The following SELENOF variants were observed in gnomAD, a reference collection of about 807,000 sequenced individuals.
SELENOF encodes the protein selenoprotein F, also known as 15 kDa selenoprotein.
A neutral mutation model predicts 20.5 loss-of-function variants in SELENOF; 16 were observed. That is an observed-to-expected ratio of 0.78 (90% CI 0.53 to 1.19). The LOEUF is 1.19. Ranked by LOEUF, SELENOF falls within the 50% of genes most tolerant of loss-of-function variation. The pLI, the probability that SELENOF is intolerant of heterozygous loss-of-function variation, is 0.00. For synonymous variants in SELENOF, 78 were observed against 74.5 expected (o/e 1.05, Z -0.24); for missense variants, 215 against 194.2 (o/e 1.11, Z -0.64).
chr1:86,878,204 A>G (rs502404), intron 3 of SELENOF, among the ~76,000 whole-genome samples: 46,529 of 152,172 alleles, frequency 0.31, 9,396 homozygotes, highest in African/African-American at 0.58. Flanking sequence ...GTGGTTTAAT[A>G]TAGGTAAAAC....
intron 3 of SELENOF, among the ~76,000 whole-genome samples, chr1:86,876,173 T>C (rs560477319): frequency 4.6e-5 from 7 of 151,228 alleles, no homozygotes; most frequent in African/African-American, 1.7e-4. Context: ...TGATTGAAAA[T>C]ACAGAAAAGA....
intron 2 of SELENOF, among the ~76,000 whole-genome samples, chr1:86,891,058 T>C (rs1322710381): frequency 6.6e-6 from 1 of 151,150 alleles, no homozygotes; most frequent in Non-Finnish European, 1.5e-5. Flanking sequence ...TTTTTCTTTT[T>C]TTTTTTTTTA....
chr1:86,878,613 C>T (rs926322222), intron 3 of SELENOF, among the ~76,000 whole-genome samples: 1 of 152,092 alleles, frequency 6.6e-6, no homozygotes, highest in African/African-American at 2.4e-5. Context: ...ACCTGGGAGG[C>T]AGAGGTTGCG....
At chr1:86,879,527 T>A (rs1189736573) in intron 3 of SELENOF, among the ~76,000 whole-genome samples, 1 of 152,190 alleles carries the variant, frequency 6.6e-6, no homozygotes, top group Non-Finnish European at 1.5e-5. Flanking sequence ...ATAAAAAGCA[T>A]GTGCTAATAC....
intron 2 of SELENOF, among the ~76,000 whole-genome samples, chr1:86,898,133 C>T (rs1166325932): frequency 1.3e-5 from 2 of 152,158 alleles, no homozygotes; most frequent in African/African-American, 2.4e-5. Flanking sequence ...ATGATTTTTA[C>T]AATAAGTCAA....
At chr1:86,873,666 C>T (rs1027000731) in intron 3 of SELENOF, among the ~76,000 whole-genome samples, 1 of 151,876 alleles carries the variant, frequency 6.6e-6, no homozygotes, top group African/African-American at 2.4e-5. Flanking sequence ...GCCTGACCAC[C>T]ATGGAGAAAC....
At chr1:86,904,615 T>C (rs1239236405) in intron 1 of SELENOF, among the ~76,000 whole-genome samples, 1 of 152,248 alleles carries the variant, frequency 6.6e-6, no homozygotes, top group Non-Finnish European at 1.5e-5. Flanking sequence ...CTAACTGCTC[T>C]TCCCACGTTC....
chr1:86,870,279 C>A (rs1045102441), intron 3 of SELENOF, among the ~76,000 whole-genome samples: 2 of 152,192 alleles, frequency 1.3e-5, no homozygotes, highest in Non-Finnish European at 2.9e-5. Context: ...CTCACCTAAT[C>A]CTCCCCTACA....
At chr1:86,899,645 C>A (rs568660522) in intron 2 of SELENOF, among the ~76,000 whole-genome samples, 6 of 151,052 alleles carry the variant, frequency 4.0e-5, no homozygotes, top group Non-Finnish European at 8.9e-5. Flanking sequence ...GGGGGCTGAC[C>A]CCCCCATCTC....
At chr1:86,865,237 CAAAA>C (rs869098042) in intron 4 of SELENOF, among the ~76,000 whole-genome samples, 23 of 147,644 alleles carry the variant, frequency 1.6e-4, no homozygotes, top group Admixed American at 1.3e-3. Context: ...AACAAACAAA[CAAAA>C]AACCTCAATT....
intron 4 of SELENOF, among the ~76,000 whole-genome samples, chr1:86,865,604 C>CA (rs891556904): frequency 6.6e-6 from 1 of 152,046 alleles, no homozygotes; most frequent in African/African-American, 2.4e-5. Flanking sequence ...TGGCTACTAC[C>CA]AAAAAACAGA....
chr1:86,905,896 A>G (rs756713909), intron 1 of SELENOF, among the ~76,000 whole-genome samples: 5 of 152,130 alleles, frequency 3.3e-5, no homozygotes, highest in South Asian at 2.1e-4. Context: ...CTGTGTTCCA[A>G]TGAAACTTTG....
intron 2 of SELENOF, 144 bp downstream of exon 2, chr1:86,903,137 A>G: frequency 1.5e-6 from 1 of 651,366 alleles, no homozygotes; most frequent in African/African-American, 1.9e-5. Context: ...TTGAACTAAT[A>G]GGCCAGACAA....
At chr1:86,911,432 A>G (rs903825589) in intron 1 of SELENOF, among the ~76,000 whole-genome samples, 3 of 152,222 alleles carry the variant, frequency 2.0e-5, no homozygotes, top group African/African-American at 7.2e-5. Context: ...CTGCTCTCCT[A>G]ATAGAAGTAA....
chr1:86,905,306 A>G (rs1659800882), intron 1 of SELENOF, among the ~76,000 whole-genome samples: 1 of 152,138 alleles, frequency 6.6e-6, no homozygotes, highest in Non-Finnish European at 1.5e-5. Context: ...CTCCTGCTAT[A>G]AGGAATTCCT....
At chr1:86,900,947 C>T (rs778637009) in intron 2 of SELENOF, among the ~76,000 whole-genome samples, 7 of 152,124 alleles carry the variant, frequency 4.6e-5, no homozygotes, top group Non-Finnish European at 1.0e-4. Context: ...GGCTGGAGTG[C>T]AGTGGCATGA....
At chr1:86,865,598 T>A (rs909948569) in intron 4 of SELENOF, among the ~76,000 whole-genome samples, 1 of 152,194 alleles carries the variant, frequency 6.6e-6, no homozygotes. Context: ...TTAGGATGGC[T>A]ACTACCAAAA....
At position 86,899,503 on chromosome 1, in the gene SELENOF, T is replaced by C. The variant is rs1422914360; in HGVS notation, c.252+3778A>G. ...CAGTAGGGGCGGCCGGGCAGAGGCG[T>C]CCCTCACCTCCCGGACGGGGCGGCT... On this transcript the variant is annotated intron_variant, in intron 2 of 4. Coordinates refer to ENST00000331835, the MANE Select transcript of SELENOF (RefSeq NM_004261.5). Among the ~76,000 whole-genome samples the C allele has an allele frequency of 2.5e-4, 28 of 109,896 alleles. No homozygotes were observed. The East Asian group carries it at 2.7e-3, about 11-fold the overall frequency. The allele number at this position is 109,896 out of a possible 152,430, so 72.1% of individuals were successfully genotyped here.
intron 2 of SELENOF, among the ~76,000 whole-genome samples, chr1:86,901,687 T>C (rs568954084): frequency 6.6e-6 from 1 of 152,346 alleles, no homozygotes; most frequent in Non-Finnish European, 1.5e-5. Flanking sequence ...TATAGCTCCA[T>C]TAATAATGAA....
Sources: allele counts gnomAD v4.1 joint callset (sites outside exome capture counted in the v4.1 genomes callset), GRCh38; gene constraint gnomAD v4.1.1; transcripts MANE v1.5; gene names NCBI Gene and HGNC (gene_info 2026-07-23, HGNC 2026-07-21).